NEK11: variants seen among roughly 807,000 people sequenced by gnomAD.
The protein encoded by NEK11 is serine/threonine-protein kinase Nek11.
In NEK11, 72 loss-of-function variants were observed where a neutral mutation model predicts 80.7. The ratio of observed to expected loss-of-function variants is 0.89; its 90% confidence interval spans 0.74 to 1.08. The LOEUF (loss-of-function observed/expected upper bound fraction) is 1.08, where lower values mean the gene tolerates loss of function less well. Ranked by LOEUF, NEK11 falls within the 50% of genes least tolerant of loss-of-function variation. NEK11 has a pLI of 0.00. For missense variants in NEK11, 764 were observed against 763.6 expected (o/e 1.00, Z -0.01); for synonymous variants, 251 against 260.7 (o/e 0.96, Z 0.36).
At position 131,262,671 on chromosome 3, in the gene NEK11, T is replaced by C. The variant is rs138926146; in HGVS notation, c.1622-10807T>C. Among the ~76,000 whole-genome samples, 140 of 152,200 alleles carry C rather than the reference T, an allele frequency of 9.2e-4. 1 individual carries two copies. The highest frequency in any genetic ancestry group is 3.1e-3 in the African/African-American group (130 of 41,524). ...TATTTTAATAAAGGCAAAATTAGGG[T>C]TTTGTATTATACTTTAAGATCTGGG... On this transcript the variant is annotated intron_variant, in intron 16 of 17. Transcript: ENST00000383366.
intron 9 of NEK11, among the ~76,000 whole-genome samples, chr3:131,154,109 T>A (rs1394115835): frequency 6.6e-6 from 1 of 152,070 alleles, no homozygotes; most frequent in African/African-American, 2.4e-5. Flanking sequence ...CATGCGGTCA[T>A]GGGGAAGGCT....
At chr3:131,170,422 A>G (rs542311600) in intron 13 of NEK11, among the ~76,000 whole-genome samples, 1 of 152,336 alleles carries the variant, frequency 6.6e-6, no homozygotes, top group East Asian at 1.9e-4. Flanking sequence ...GGGCTGGAGT[A>G]GGGTGTGGTA....
At chr3:131,040,162 G>A (rs546059242) in intron 3 of NEK11, among the ~76,000 whole-genome samples, 13 of 152,142 alleles carry the variant, frequency 8.5e-5, no homozygotes, top group Middle Eastern at 6.8e-3. Flanking sequence ...GTAGTTTAAC[G>A]AGAACACTTT....
At chr3:131,142,162 T>A (rs1204305633) in intron 7 of NEK11, among the ~76,000 whole-genome samples, 3 of 152,214 alleles carry the variant, frequency 2.0e-5, no homozygotes, top group Non-Finnish European at 4.4e-5. Context: ...TGTCTGCCTT[T>A]AGATCCTCCA....
chr3:131,126,959 C>CTTTTTTTTTTTTTTTTTTTTTTTTTTT (rs71133688), intron 5 of NEK11, among the ~76,000 whole-genome samples: 11 of 90,118 alleles, frequency 1.2e-4, no homozygotes, highest in East Asian at 3.2e-4. Context: ...TTCTTTCTTT[C>CTTTTTTTTTTTTTTTTTTTTTTTTTTT]TTTTTTTTTT....
intron 14 of NEK11, among the ~76,000 whole-genome samples, chr3:131,223,217 AAC>A (rs1225283824): frequency 6.6e-6 from 1 of 152,344 alleles, no homozygotes; most frequent in Admixed American, 6.5e-5. Context: ...AGGCGTGACA[AAC>A]ACAGTTTGAA....
In NEK11 at chr3:131,057,289, G is replaced by C. The variant is rs1048301920; in HGVS notation, c.171-23134G>C. Among the ~76,000 whole-genome samples, 13 of 152,098 alleles carry C rather than the reference G, an allele frequency of 8.5e-5. No homozygotes were observed. In the East Asian group the frequency reaches 1.7e-3, roughly 20 times the overall value. On this transcript the variant is annotated intron_variant, in intron 3 of 17. Transcript: ENST00000383366. ...CATTTTCTTAATCCAGTCTATCATT[G>C]TTGGACGTTTAGGTTGGTTCCAAGT...
intron 3 of NEK11, among the ~76,000 whole-genome samples, chr3:131,030,394 A>G (rs925304577): frequency 5.9e-5 from 9 of 152,214 alleles, no homozygotes; most frequent in African/African-American, 2.2e-4. Flanking sequence ...GAAGGGAGCT[A>G]GAAATGGGAT....
At position 131,334,979 on chromosome 3, in the gene NEK11, A is replaced by AACTT. The variant is rs2097157487; in HGVS notation, c.1719-14575_1719-14572dup. Reference sequence around the variant, plus strand: ...ATCTGAAATTGTGGCAATAATCAATAACTTACCAACCAAAAAGAGTCCGGG... The same window carrying AACTT: ...ATCTGAAATTGTGGCAATAATCAATAACTTACTTACCAACCAAAAAGAGTCCGGG... On this transcript the variant is annotated intron_variant, in intron 17 of 17. Transcript: ENST00000383366. Among the ~76,000 whole-genome samples the AACTT allele has an allele frequency of 7.2e-5, 11 of 152,308 alleles. No homozygotes were observed. In the South Asian group the frequency reaches 2.3e-3, roughly 32 times the overall value.
At chr3:131,330,031 G>C (rs2097048728) in intron 17 of NEK11, 2 of 152,216 alleles carry the variant, frequency 1.3e-5, no homozygotes, top group African/African-American at 4.8e-5. Context: ...GAATCGAGTG[G>C]CTCCTGAAAG....
Position 131,042,198 on chromosome 3 carries a change from G to GTTTTTGT in NEK11, c.170+12333_170+12339dup, listed in dbSNP as rs1214504165. On this transcript the variant is annotated intron_variant, in intron 3 of 17. Coordinates refer to ENST00000383366, the MANE Select transcript of NEK11 (RefSeq NM_024800.5). ...TGGGCAGACACCCAGCTAGCTGCAG[G>GTTTTTGT]TTTTTGTTTTTTGTTTTTTTTTTCC... 3.7e-5 allele frequency among the ~76,000 whole-genome samples: 5 copies of GTTTTTGT among 136,134 alleles called. No individual in the cohort carries two copies. The South Asian group carries it at 1.3e-3, about 34-fold the overall frequency. 89.3% of individuals were successfully genotyped at this position (136,134 alleles called of 152,430 possible).
intron 16 of NEK11, among the ~76,000 whole-genome samples, chr3:131,272,427 T>C (rs1009645708): frequency 3.3e-5 from 5 of 149,712 alleles, no homozygotes; most frequent in African/African-American, 1.2e-4. Context: ...CTCTATGGAT[T>C]GCCCTGAGCT....
chr3:131,228,444 A>T, intron 14 of NEK11, 84 bp from the exon 15 acceptor site: 1 of 1,237,606 alleles, frequency 8.1e-7, no homozygotes, highest in Non-Finnish European at 1.1e-6. Flanking sequence ...AGCAAAATAT[A>T]CATCCCTGTG....
At position 131,286,140 on chromosome 3, in the gene NEK11, G is replaced by C. The variant is rs555090070; in HGVS notation, c.1718+12566G>C. On this transcript the variant is annotated intron_variant, in intron 17 of 17. Coordinates refer to ENST00000383366, the MANE Select transcript of NEK11 (RefSeq NM_024800.5). ...TATGAGTTAGTGTCTCATTGACTAT[G>C]AAAATATTTGTTCTGTTAGTTTTTT... Among the ~76,000 whole-genome samples, 4 of 152,316 alleles carry C rather than the reference G, an allele frequency of 2.6e-5. No homozygotes were observed. The South Asian group carries it at 8.3e-4, about 32-fold the overall frequency.
intron 17 of NEK11, among the ~76,000 whole-genome samples, chr3:131,297,532 T>A (rs1038316234): frequency 1.3e-5 from 2 of 152,252 alleles, no homozygotes; most frequent in Non-Finnish European, 2.9e-5. Flanking sequence ...CTTGTAAATT[T>A]GTTTGAGTTC....
chr3:131,138,183 C>T (rs964113526), intron 7 of NEK11, among the ~76,000 whole-genome samples: 3 of 152,176 alleles, frequency 2.0e-5, no homozygotes, highest in African/African-American at 7.2e-5. Flanking sequence ...ACCCACTGCC[C>T]TGAGGGGTGA....
chr3:131,133,342 G>A (rs2674612), intron 6 of NEK11: 127,213 of 444,568 alleles, frequency 0.29, 21,240 homozygotes, highest in East Asian at 0.58. Flanking sequence ...GAATAAAAGT[G>A]TGCAACTAGT....
At chr3:131,034,999 G>A (rs1287015829) in intron 3 of NEK11, among the ~76,000 whole-genome samples, 1 of 152,020 alleles carries the variant, frequency 6.6e-6, no homozygotes. Flanking sequence ...AACTGTGATC[G>A]TACACCTTGG....
intron 7 of NEK11, among the ~76,000 whole-genome samples, chr3:131,135,440 AG>A: frequency 6.6e-6 from 1 of 152,342 alleles, no homozygotes; most frequent in Admixed American, 6.5e-5. Context: ...AGGTATGTAT[AG>A]AGGAATAACT....
Sources: allele counts gnomAD v4.1 joint callset (sites outside exome capture counted in the v4.1 genomes callset), GRCh38; gene constraint gnomAD v4.1.1; transcripts MANE v1.5; gene names NCBI Gene and HGNC (gene_info 2026-07-23, HGNC 2026-07-21).